MED12L: variants seen among roughly 807,000 people sequenced by gnomAD.
MED12L encodes the protein mediator of RNA polymerase II transcription subunit 12-like protein.
In MED12L, 60 loss-of-function variants were observed where a neutral mutation model predicts 281.3. The ratio of observed to expected loss-of-function variants is 0.21; its 90% CI spans 0.17 to 0.26. MED12L has a LOEUF of 0.26. Ranked by LOEUF, MED12L falls within the 10% of genes least tolerant of loss-of-function variation. The pLI, the probability that MED12L is intolerant of heterozygous loss-of-function variation, is 1.00. For synonymous variants in MED12L, 974 were observed against 987.2 expected, an observed-to-expected ratio of 0.99 and a Z score of 0.25; for missense variants, 2,146 against 2,680.9, an observed-to-expected ratio of 0.80 and a Z score of 4.41.
intron 38 of MED12L, among the ~76,000 whole-genome samples, chr3:151,391,925 T>C (rs141351310): frequency 7.2e-4 from 109 of 152,320 alleles, no homozygotes; most frequent in Non-Finnish European, 1.4e-3. Flanking sequence ...AAGGATGCAA[T>C]CATCATCCTT....
chr3:151,303,500 C>T (rs556806979), intron 16 of MED12L, among the ~76,000 whole-genome samples: 8 of 152,278 alleles, frequency 5.3e-5, no homozygotes, highest in South Asian at 2.1e-4. Flanking sequence ...TGGTGGCTCA[C>T]GCCTGTAATC....
chr3:151,167,527 T>G (rs1325938521), intron 11 of MED12L, among the ~76,000 whole-genome samples: 2 of 152,222 alleles, frequency 1.3e-5, no homozygotes, highest in African/African-American at 4.8e-5. Flanking sequence ...CTGATACATA[T>G]TCCAGATTAT....
At chr3:151,424,990 A>T (rs1718716725) in intron 43 of MED12L, among the ~76,000 whole-genome samples, 1 of 152,168 alleles carries the variant, frequency 6.6e-6, no homozygotes, top group African/African-American at 2.4e-5. Context: ...GATGTATTTT[A>T]CTCTGGTGCC....
Position 151,378,048 on chromosome 3 carries a change from C to G in MED12L, c.4353C>G (p.Pro1451=), listed in dbSNP as rs776676198. The G allele has an allele frequency of 9.3e-6, 15 of 1,610,218 alleles. No individual in the cohort carries two copies. The highest frequency in any genetic ancestry group is 1.1e-5 in the Non-Finnish European group (13 of 1,177,862). ...SERRGVWLVA[P]LIARLPTSVQ... is the part of the protein sequence containing the mutation. The stretch of plus-strand genomic sequence containing the variant: ...GCAGGGGTGTATGGTTGGTGGCCCC[C>G]CTCATCGCCAGGTTGCCAACTTCTG... Residue 1451 remains proline, a synonymous_variant, in exon 31 of 45, where the codon CCC becomes CCG. Coordinates refer to ENST00000687756, the MANE Select transcript of MED12L (RefSeq NM_001393769.1).
chr3:151,371,897 G>C (rs1271628202), intron 26 of MED12L, among the ~76,000 whole-genome samples: 1 of 152,142 alleles, frequency 6.6e-6, no homozygotes, highest in African/African-American at 2.4e-5. Context: ...ACTTTGTTAT[G>C]AAGAAAACAC....
At chr3:151,122,058 GT>G (rs760422038) in intron 3 of MED12L, among the ~76,000 whole-genome samples, 2 of 151,972 alleles carry the variant, frequency 1.3e-5, no homozygotes, top group Non-Finnish European at 2.9e-5. Flanking sequence ...TTGCCTTCTT[GT>G]TACTTCTTTC....
At chr3:151,292,394 C>T (rs1744376671) in intron 16 of MED12L, among the ~76,000 whole-genome samples, 1 of 150,386 alleles carries the variant, frequency 6.6e-6, no homozygotes, top group African/African-American at 2.5e-5. Context: ...TCAAAAGATT[C>T]TCCTGCCTCA....
intron 16 of MED12L, among the ~76,000 whole-genome samples, chr3:151,245,382 C>T (rs1166964514): frequency 7.5e-6 from 1 of 133,600 alleles, no homozygotes; most frequent in Non-Finnish European, 1.6e-5. Context: ...AAAATACTGG[C>T]AAACTGAATC....
chr3:151,299,635 C>T (rs1390795609), intron 16 of MED12L, among the ~76,000 whole-genome samples: 1 of 151,674 alleles, frequency 6.6e-6, no homozygotes, highest in Non-Finnish European at 1.5e-5. Context: ...TGCGCCACCA[C>T]ACCTGGCTAA....
At position 151,135,584 on chromosome 3, in the gene MED12L, T is replaced by G. The variant is rs76692064; in HGVS notation, c.556+7600T>G. ...AAGTTAAGTAACTTGCTGGCCTAGA[T>G]GGAGTTGGATCCCTGCCCAGGCACC... On this transcript the variant is annotated intron_variant, in intron 5 of 44. Transcript: ENST00000687756. Among the ~76,000 whole-genome samples the G allele has an allele frequency of 2.2e-3, 335 of 152,274 alleles. 2 individuals carry two copies. The highest frequency in any genetic ancestry group is 7.7e-3 in the African/African-American group (318 of 41,554).
intron 16 of MED12L, among the ~76,000 whole-genome samples, chr3:151,270,366 T>G (rs762457566): frequency 9.9e-5 from 15 of 152,132 alleles, no homozygotes; most frequent in Non-Finnish European, 1.8e-4. Flanking sequence ...TACCCCTTTC[T>G]GTTCCAAATT....
At chr3:151,301,518 T>C (rs1023737167) in intron 16 of MED12L, among the ~76,000 whole-genome samples, 10 of 152,232 alleles carry the variant, frequency 6.6e-5, no homozygotes, top group African/African-American at 2.2e-4. Flanking sequence ...TTGCATGTTA[T>C]ATTTCTCATA....
At chr3:151,089,575 A>C (rs1297505951) in intron 2 of MED12L, among the ~76,000 whole-genome samples, 1 of 142,368 alleles carries the variant, frequency 7.0e-6, no homozygotes, top group Non-Finnish European at 1.5e-5. Flanking sequence ...CATAAATGTA[A>C]TTTTTATTGT....
intron 16 of MED12L, among the ~76,000 whole-genome samples, chr3:151,315,546 C>A: frequency 6.6e-6 from 1 of 152,156 alleles, no homozygotes; most frequent in East Asian, 1.9e-4. Context: ...TGTATACCTG[C>A]AACACATTTC....
At chr3:151,200,731 T>G (rs1252543990) in intron 16 of MED12L, among the ~76,000 whole-genome samples, 3 of 152,254 alleles carry the variant, frequency 2.0e-5, no homozygotes, top group Admixed American at 1.3e-4. Flanking sequence ...TTAGAGTCCA[T>G]GAATAATGTC....
intron 16 of MED12L, among the ~76,000 whole-genome samples, chr3:151,227,644 A>G (rs1730803118): frequency 6.6e-6 from 1 of 152,122 alleles, no homozygotes; most frequent in Non-Finnish European, 1.5e-5. Context: ...GCACCTCATG[A>G]CCTCCAATGG....
At chr3:151,277,561 C>G (rs939907315) in intron 16 of MED12L, among the ~76,000 whole-genome samples, 2 of 152,112 alleles carry the variant, frequency 1.3e-5, no homozygotes, top group Non-Finnish European at 1.5e-5. Context: ...TATATGTAGA[C>G]AAGATGGATT....
intron 39 of MED12L, among the ~76,000 whole-genome samples, chr3:151,398,084 G>C (rs1715213592): frequency 6.6e-6 from 1 of 152,190 alleles, no homozygotes; most frequent in South Asian, 2.1e-4. Context: ...TCTGTGAGCT[G>C]TGTATCAAAT....
At chr3:151,114,967 T>C (rs960822663) in intron 2 of MED12L, among the ~76,000 whole-genome samples, 3 of 152,182 alleles carry the variant, frequency 2.0e-5, no homozygotes, top group African/African-American at 2.4e-5. Flanking sequence ...TAGAAGATAG[T>C]ATTTCCGTGC....
Sources: gnomAD v4.1 joint callset for allele counts (sites outside exome capture counted in the v4.1 genomes callset) on GRCh38, gnomAD v4.1.1 for gene constraint, MANE v1.5 for transcripts, NCBI Gene and HGNC (gene_info 2026-07-23, HGNC 2026-07-21) for gene names.